ABAT: variants seen among roughly 807,000 people sequenced by gnomAD.
The protein encoded by ABAT is 4-aminobutyrate aminotransferase, mitochondrial.
A neutral mutation model predicts 64.6 loss-of-function variants in ABAT; 45 were observed. The ratio of observed to expected loss-of-function variants is 0.70; its 90% confidence interval spans 0.55 to 0.89. The LOEUF (loss-of-function observed/expected upper bound fraction) is 0.89, where lower values mean the gene tolerates loss of function less well. ABAT is among the 40% of genes least tolerant of loss of function. The probability of loss-of-function intolerance (pLI) is 0.00; values close to 1 mark genes in which losing one functional copy is unlikely to be tolerated. For missense variants in ABAT, 633 were observed against 658.4 expected (o/e 0.96, Z 0.42); for synonymous variants, 297 against 250.5 (o/e 1.19, Z -1.75).
At chr16:8,745,801 G>A (rs575523564) in intron 2 of ABAT, among the ~76,000 whole-genome samples, 200 bp from the exon 3 acceptor site, 1 of 152,190 alleles carries the variant, frequency 6.6e-6, no homozygotes, top group Non-Finnish European at 1.5e-5. Context: ...CTGACACTGG[G>A]TTTTCCCTTT....
chr16:8,685,022 T>C (rs1397966579), intron 1 of ABAT, among the ~76,000 whole-genome samples: 1 of 152,104 alleles, frequency 6.6e-6, no homozygotes, highest in Admixed American at 6.5e-5. Context: ...TGGTGGTTCA[T>C]GCCTGCAATC....
chr16:8,769,970 G>T (rs1396833595), intron 11 of ABAT, among the ~76,000 whole-genome samples: 1 of 152,074 alleles, frequency 6.6e-6, no homozygotes, highest in East Asian at 1.9e-4. Context: ...CTAGGTGCTG[G>T]GTATTCAGTG....
chr16:8,709,686 C>G (rs1380716331), intron 1 of ABAT, among the ~76,000 whole-genome samples: 1 of 151,844 alleles, frequency 6.6e-6, no homozygotes, highest in Non-Finnish European at 1.5e-5. Flanking sequence ...TATTTATTTT[C>G]AATAGTACAG....
At position 8,754,179 on chromosome 16, in the gene ABAT, T is replaced by TAAAAAAAAAAAAA. The variant is rs750745519; in HGVS notation, c.317-3564_317-3552dup. Among the ~76,000 whole-genome samples the TAAAAAAAAAAAAA allele has an allele frequency of 7.8e-4, 50 of 63,838 alleles. 5 individuals are homozygous for TAAAAAAAAAAAAA. Among genetic ancestry groups the TAAAAAAAAAAAAA allele is most frequent in the South Asian group, 3.6e-3 (5 of 1,408 alleles). The allele number at this position is 63,838 out of a possible 152,430, so 41.9% of individuals were successfully genotyped here. On this transcript the variant is annotated intron_variant, in intron 5 of 15. Coordinates refer to ENST00000268251, the MANE Select transcript of ABAT (RefSeq NM_020686.6). ...AGCCAACATGTTGAAACCCTGTCTA[T>TAAAAAAAAAAAAA]AAAAAAAAAAAAAAAAAAAAAAAAA...
chr16:8,755,669 G>A (rs999081386), intron 5 of ABAT, among the ~76,000 whole-genome samples: 1 of 152,144 alleles, frequency 6.6e-6, no homozygotes, highest in African/African-American at 2.4e-5. Flanking sequence ...CTAGCACTTT[G>A]GAAGGCCGAG....
At chr16:8,771,045 C>T (rs887454069) in intron 11 of ABAT, among the ~76,000 whole-genome samples, 14 of 152,046 alleles carry the variant, frequency 9.2e-5, no homozygotes, top group African/African-American at 3.4e-4. Context: ...CCTGTAACTG[C>T]GACACTTTGG....
At chr16:8,746,138 G>C in intron 3 of ABAT, 40 bp downstream of exon 3, 1 of 1,522,840 alleles carries the variant, frequency 6.6e-7, no homozygotes, top group East Asian at 2.3e-5. Flanking sequence ...TTGGAAAAGG[G>C]AAAAAGGCGC....
intron 5 of ABAT, among the ~76,000 whole-genome samples, chr16:8,752,981 T>C (rs960662516): frequency 1.3e-5 from 2 of 152,142 alleles, no homozygotes; most frequent in Non-Finnish European, 2.9e-5. Flanking sequence ...TCACCTCCAG[T>C]TGACTGATGG....
chr16:8,755,922 G>A (rs1002586672), intron 5 of ABAT, among the ~76,000 whole-genome samples: 10 of 152,208 alleles, frequency 6.6e-5, no homozygotes, highest in South Asian at 2.1e-4. Flanking sequence ...GGTGATGGGC[G>A]CCTGTAGGCC....
At chr16:8,742,641 G>C (rs1458068376) in intron 2 of ABAT, among the ~76,000 whole-genome samples, 1 of 152,028 alleles carries the variant, frequency 6.6e-6, no homozygotes, top group East Asian at 1.9e-4. Flanking sequence ...AAGGCGGGTG[G>C]ATTGCCTGAG....
chr16:8,738,616 G>GTTTTTTTTTTTTTTTTTT (rs772511380), intron 2 of ABAT, among the ~76,000 whole-genome samples: 7 of 117,632 alleles, frequency 6.0e-5, no homozygotes, highest in East Asian at 2.7e-4. Flanking sequence ...TTTTGTTTTT[G>GTTTTTTTTTTTTTTTTTT]TTTTTGTTTT....
rs895575713 is a variant in ABAT at position 8,765,873 on chromosome 16, C to T, written c.541-335C>T. ...TCTTGGCCTCAAGCAATCCTCCTGTCTTAGCCACCCAAAGTACTAGGATTA... is the reference window on the plus strand; with the variant it reads ...TCTTGGCCTCAAGCAATCCTCCTGTTTTAGCCACCCAAAGTACTAGGATTA... On this transcript the variant is annotated intron_variant, in intron 8 of 15. Coordinates refer to ENST00000268251, the MANE Select transcript of ABAT (RefSeq NM_020686.6). 2.8e-5 allele frequency: 9 copies of T among 317,202 alleles called. No homozygotes were observed. In the Admixed American group the frequency reaches 3.0e-4, roughly 10 times the overall value. 19.6% of individuals were successfully genotyped at this position (317,202 alleles called of 1,614,324 possible). A position where few individuals can be genotyped will look rare whatever the true frequency, so the allele number is the denominator to read the frequency against.
chr16:8,690,842 G>A (rs534730071), intron 1 of ABAT, among the ~76,000 whole-genome samples: 2 of 152,332 alleles, frequency 1.3e-5, no homozygotes, highest in Non-Finnish European at 2.9e-5. Context: ...CAGGACAGGA[G>A]AGCCAAACAT....
Position 8,774,969 on chromosome 16 carries a change from G to A in ABAT, c.1034G>A (p.Gly345Asp), listed in dbSNP as rs2142996825. The change falls in exon 13 of 16, where the codon GGC becomes GAC. Residue 345 changes from glycine (G) to aspartate (D), a missense_variant. By Grantham distance (94) the Gly-to-Asp change is moderately conservative. Transcript: ENST00000268251. ...AAGTTCTGGGCCCATGAGCACTGGG[G>A]CCTGGATGACCCAGCAGACGTGATG... Reference protein sequence around the residue: ...TGKFWAHEHWGLDDPADVMTF... With the variant: ...TGKFWAHEHWDLDDPADVMTF... 3.7e-6 allele frequency: 6 copies of A among 1,614,204 alleles called. No homozygotes were observed. Among genetic ancestry groups the A allele is most frequent in the Non-Finnish European group, 5.1e-6 (6 of 1,180,032 alleles).
At chr16:8,676,723 C>T (rs1446817379) in intron 1 of ABAT, among the ~76,000 whole-genome samples, 1 of 152,178 alleles carries the variant, frequency 6.6e-6, no homozygotes, top group Non-Finnish European at 1.5e-5. Context: ...ACTTGCATAG[C>T]TGGGTTTGCT....
At chr16:8,766,619 C>T (rs2059954090) in intron 9 of ABAT, among the ~76,000 whole-genome samples, 1 of 151,968 alleles carries the variant, frequency 6.6e-6, no homozygotes, top group Admixed American at 6.6e-5. Context: ...CACACCACTA[C>T]ACTCCAGCCT....
chr16:8,745,961 G>T, intron 2 of ABAT, 40 bp from the exon 3 acceptor site: 1 of 1,583,062 alleles, frequency 6.3e-7, no homozygotes, highest in Non-Finnish European at 8.7e-7. Context: ...CATGATCTCT[G>T]CTGTCACCAG....
intron 9 of ABAT, among the ~76,000 whole-genome samples, chr16:8,766,986 A>G (rs907255583): frequency 6.6e-6 from 1 of 152,138 alleles, no homozygotes; most frequent in South Asian, 2.1e-4. Context: ...AAAACAAAAC[A>G]AAAAAAGTAC....
chr16:8,747,400 A>C (rs1240918961), intron 3 of ABAT, among the ~76,000 whole-genome samples: 1 of 152,148 alleles, frequency 6.6e-6, no homozygotes, highest in Non-Finnish European at 1.5e-5. Context: ...AAGTGATTGT[A>C]GTTATTTTGG....
Sources: allele counts gnomAD v4.1 joint callset (sites outside exome capture counted in the v4.1 genomes callset), GRCh38; gene constraint gnomAD v4.1.1; transcripts MANE v1.5; gene names NCBI Gene and HGNC (gene_info 2026-07-23, HGNC 2026-07-21).